Variants in AMN1 observed in about 807,000 individuals in gnomAD.
AMN1 encodes the protein antagonist of mitotic exit network 1 homolog, also known as protein AMN1 homolog.
In AMN1, 20 loss-of-function variants were observed where a neutral mutation model predicts 33.0. The ratio of observed to expected loss-of-function variants is 0.61; its 90% CI spans 0.43 to 0.88. The LOEUF (loss-of-function observed/expected upper bound fraction) is 0.88, where lower values mean the gene tolerates loss of function less well. AMN1 is among the 40% of genes least tolerant of loss of function. The pLI, the probability that AMN1 is intolerant of heterozygous loss-of-function variation, is 0.00. For missense variants in AMN1, 246 were observed against 307.4 expected (o/e 0.80, Z 1.49); for synonymous variants, 114 against 111.9 (o/e 1.02, Z -0.12).
rs143898010 is a variant in AMN1, at chr12:31,725,409, G to A, written c.38+3562C>T. ...AAAGCTGTAAAACAATTGGGGAGAC[G>A]GGTGGATATCCCAACCAATAATAGT... On this transcript the variant is annotated intron_variant, in intron 1 of 6. Coordinates refer to ENST00000281471, the MANE Select transcript of AMN1 (RefSeq NM_001113402.2). 6.6e-3 allele frequency among the ~76,000 whole-genome samples: 1,011 copies of A among 152,276 alleles called. 13 individuals carry two copies. Among genetic ancestry groups the A allele is most frequent in the African/African-American group, 0.023 (940 of 41,566 alleles).
intron 6 of AMN1, among the ~76,000 whole-genome samples, chr12:31,679,795 G>A (rs1051332791): frequency 1.3e-5 from 2 of 152,102 alleles, no homozygotes; most frequent in Non-Finnish European, 2.9e-5. Context: ...TGAACTTACT[G>A]ATAATCATTG....
chr12:31,682,963 C>CTTTTTT (rs34868408), intron 6 of AMN1, among the ~76,000 whole-genome samples: 3 of 137,850 alleles, frequency 2.2e-5, no homozygotes, highest in African/African-American at 5.4e-5. Context: ...GTATGCTATT[C>CTTTTTT]TTTTTTTTTT....
At chr12:31,718,435 C>T (rs1939761555) in intron 1 of AMN1, among the ~76,000 whole-genome samples, 1 of 152,094 alleles carries the variant, frequency 6.6e-6, no homozygotes, top group African/African-American at 2.4e-5. Context: ...AACTCATTCT[C>T]TGTCCAGTTT....
At chr12:31,703,754 T>A (rs1366375149) in intron 2 of AMN1, among the ~76,000 whole-genome samples, 1 of 152,230 alleles carries the variant, frequency 6.6e-6, no homozygotes, top group African/African-American at 2.4e-5. Context: ...TGTATATTAT[T>A]CCATTTTCTG....
rs545882893 is a variant in AMN1 at position 31,706,413 on chromosome 12, C to A, written c.171+2880G>T. On this transcript the variant is annotated intron_variant, in intron 2 of 6. Transcript: ENST00000281471. The stretch of plus-strand genomic sequence containing the variant: ...CACCAGCCTGGATAGATGCCGCTCA[C>A]CCCCAACAGCAATTGGCAGTTCTAG... Among the ~76,000 whole-genome samples, 68 of 151,990 alleles carry A rather than the reference C, an allele frequency of 4.5e-4. 1 individual carries two copies. In the South Asian group the frequency reaches 0.013, roughly 29 times the overall value.
chr12:31,695,487 C>CTT (rs553588433), intron 5 of AMN1, among the ~76,000 whole-genome samples: 37 of 130,688 alleles, frequency 2.8e-4, no homozygotes, highest in Non-Finnish European at 4.7e-4. Context: ...TTCTTTCTTT[C>CTT]TTTTTTTTTT....
chr12:31,721,597 A>C (rs562502363), intron 1 of AMN1, among the ~76,000 whole-genome samples: 1 of 152,316 alleles, frequency 6.6e-6, no homozygotes, highest in Non-Finnish European at 1.5e-5. Flanking sequence ...AGAGAGGCTA[A>C]AGTGACACTG....
chr12:31,706,331 A>T, intron 2 of AMN1, among the ~76,000 whole-genome samples: 1 of 150,758 alleles, frequency 6.6e-6, no homozygotes, highest in East Asian at 1.9e-4. Flanking sequence ...AAAAAAAAAA[A>T]AAAAATCTGC....
chr12:31,693,700 A>C (rs935466388), intron 5 of AMN1, among the ~76,000 whole-genome samples: 2 of 148,312 alleles, frequency 1.3e-5, no homozygotes, highest in Non-Finnish European at 3.0e-5. Flanking sequence ...GCGCCACCAC[A>C]CCCAGCTAAT....
chr12:31,726,453 C>T (rs893581623), intron 1 of AMN1, among the ~76,000 whole-genome samples: 2 of 152,158 alleles, frequency 1.3e-5, no homozygotes, highest in African/African-American at 4.8e-5. Context: ...GAGCCACGGC[C>T]CCCAACTAAA....
intron 5 of AMN1, among the ~76,000 whole-genome samples, chr12:31,697,076 A>G (rs1261387731): frequency 6.6e-6 from 1 of 152,204 alleles, no homozygotes; most frequent in Non-Finnish European, 1.5e-5. Context: ...ATAAACATTC[A>G]TAATCTTCAT....
intron 1 of AMN1, among the ~76,000 whole-genome samples, chr12:31,724,998 T>C (rs966372418): frequency 1.3e-5 from 2 of 152,202 alleles, no homozygotes; most frequent in African/African-American, 4.8e-5. Flanking sequence ...TGACAGGGTT[T>C]TGGTAGCATT....
At chr12:31,688,510 A>G (rs554358885) in intron 6 of AMN1, among the ~76,000 whole-genome samples, 48 of 152,272 alleles carry the variant, frequency 3.2e-4, no homozygotes, top group African/African-American at 1.2e-3. Flanking sequence ...AGGCCACCAC[A>G]TAAGGAATTG....
At chr12:31,727,580 C>T (rs187964757) in intron 1 of AMN1, among the ~76,000 whole-genome samples, 106 of 152,252 alleles carry the variant, frequency 7.0e-4, no homozygotes, top group Non-Finnish European at 9.0e-4. Flanking sequence ...TCACTCTCTA[C>T]GATACATTTC....
chr12:31,685,626 C>A (rs978210319), intron 6 of AMN1, among the ~76,000 whole-genome samples: 1 of 151,912 alleles, frequency 6.6e-6, no homozygotes, highest in African/African-American at 2.4e-5. Flanking sequence ...CATGGTGAAA[C>A]ACCATTTCTA....
intron 2 of AMN1, among the ~76,000 whole-genome samples, chr12:31,704,460 T>C (rs1056335195): frequency 2.6e-5 from 4 of 151,852 alleles, no homozygotes; most frequent in Non-Finnish European, 4.4e-5. Flanking sequence ...TTTTCATACA[T>C]ACTGTAAATA....
intron 6 of AMN1, among the ~76,000 whole-genome samples, chr12:31,677,125 C>T (rs771871165): frequency 2.0e-4 from 30 of 149,092 alleles, no homozygotes; most frequent in Non-Finnish European, 3.2e-4. Context: ...GGTGAAACCC[C>T]GCCTCTACTA....
At chr12:31,672,496 G>T in intron 6 of AMN1, 119 bp from the exon 7 acceptor site, 2 of 727,434 alleles carry the variant, frequency 2.7e-6, no homozygotes, top group South Asian at 1.6e-5. Context: ...TAAAGGAGGT[G>T]ATCTATAAAG....
At chr12:31,713,421 G>A (rs1345291579) in intron 1 of AMN1, among the ~76,000 whole-genome samples, 2 of 151,982 alleles carry the variant, frequency 1.3e-5, no homozygotes, top group Non-Finnish European at 2.9e-5. Context: ...TTTGCTTGTT[G>A]TTTTATAATA....
Sources: gnomAD v4.1 joint callset for allele counts (sites outside exome capture counted in the v4.1 genomes callset) on GRCh38, gnomAD v4.1.1 for gene constraint, MANE v1.5 for transcripts, NCBI Gene and HGNC (gene_info 2026-07-23, HGNC 2026-07-21) for gene names.